The following CACNA2D1 variants were observed in gnomAD, a reference collection of about 807,000 sequenced individuals.
The protein encoded by CACNA2D1 is calcium voltage-gated channel auxiliary subunit alpha2delta 1.
Under a neutral mutation model 171.5 loss-of-function variants are expected in CACNA2D1, and 53 were observed. That is an observed-to-expected ratio of 0.31 (90% confidence interval 0.25 to 0.39). CACNA2D1 has a LOEUF of 0.39. CACNA2D1 is among the 10% of genes least tolerant of loss of function. The pLI is 1.00. For synonymous variants in CACNA2D1, 442 were observed against 443.1 expected (o/e 1.00, Z 0.03); for missense variants, 903 against 1,299.8 (o/e 0.69, Z 4.69).
At chr7:82,282,503 G>A (rs1208641798) in intron 3 of CACNA2D1, among the ~76,000 whole-genome samples, 2 of 152,158 alleles carry the variant, frequency 1.3e-5, no homozygotes, top group African/African-American at 4.8e-5. Context: ...GGTAAGAGCT[G>A]TGGGCAGGAA....
chr7:82,331,921 TAA>T (rs751580318), intron 3 of CACNA2D1, among the ~76,000 whole-genome samples: 5 of 152,168 alleles, frequency 3.3e-5, no homozygotes, highest in Admixed American at 6.5e-5. Context: ...TTTTATTAGA[TAA>T]GTTTTTATTA....
intron 38 of CACNA2D1, among the ~76,000 whole-genome samples, chr7:81,956,113 G>GC (rs1793303941): frequency 6.6e-6 from 1 of 150,444 alleles, no homozygotes; most frequent in Non-Finnish European, 1.5e-5. Flanking sequence ...TCAGCCTCTG[G>GC]CGTAGCTGGG....
At chr7:81,955,634 A>AT (rs1401508060) in intron 38 of CACNA2D1, among the ~76,000 whole-genome samples, 2 of 152,018 alleles carry the variant, frequency 1.3e-5, no homozygotes, top group Non-Finnish European at 2.9e-5. Context: ...AAGGATATAG[A>AT]TTATACTTCT....
At chr7:82,361,764 A>G (rs1016082821) in intron 1 of CACNA2D1, among the ~76,000 whole-genome samples, 6 of 152,170 alleles carry the variant, frequency 3.9e-5, no homozygotes, top group African/African-American at 1.4e-4. Context: ...GCTTTTTTAA[A>G]CATTTTTCTA....
chr7:82,280,615 G>A (rs773187490), intron 3 of CACNA2D1, among the ~76,000 whole-genome samples: 23 of 152,048 alleles, frequency 1.5e-4, no homozygotes, highest in Admixed American at 5.2e-4. Context: ...GAATTTTAGC[G>A]TTAGAAGCTT....
chr7:82,134,401 T>C (rs2129074516), intron 5 of CACNA2D1, among the ~76,000 whole-genome samples: 1 of 152,316 alleles, frequency 6.6e-6, no homozygotes, highest in South Asian at 2.1e-4. Flanking sequence ...AGGATGACTA[T>C]AATTTTAGGG....
chr7:82,027,920 T>C (rs1802150241), intron 12 of CACNA2D1: 1 of 152,110 alleles, frequency 6.6e-6, no homozygotes. Flanking sequence ...AACATAAAAG[T>C]GCAAGGTGAA....
At chr7:82,001,687 T>C in intron 18 of CACNA2D1, 2 of 1,269,812 alleles carry the variant, frequency 1.6e-6, no homozygotes, top group Non-Finnish European at 1.0e-6. Flanking sequence ...TTTTCTTAAA[T>C]TAATTGTTGG....
At chr7:82,063,343 T>G (rs1365865941) in intron 9 of CACNA2D1, among the ~76,000 whole-genome samples, 1 of 152,176 alleles carries the variant, frequency 6.6e-6, no homozygotes, top group African/African-American at 2.4e-5. Flanking sequence ...GAGGCTTAAA[T>G]GCATCTTAAG....
chr7:82,402,348 TATTA>T, intron 1 of CACNA2D1, among the ~76,000 whole-genome samples: 1 of 152,120 alleles, frequency 6.6e-6, no homozygotes, highest in Middle Eastern at 3.2e-3. Context: ...TCTGTGGGCT[TATTA>T]ATATTATTCC....
chr7:82,011,920 C>A, intron 15 of CACNA2D1: 1 of 438,138 alleles, frequency 2.3e-6, no homozygotes. Flanking sequence ...TCTACATTCC[C>A]AATGAAGGGA....
intron 3 of CACNA2D1, among the ~76,000 whole-genome samples, chr7:82,193,461 G>T (rs1299258251): frequency 6.6e-6 from 1 of 151,898 alleles, no homozygotes; most frequent in East Asian, 1.9e-4. Flanking sequence ...GCGTGGGTTT[G>T]TGGAAATATA....
intron 3 of CACNA2D1, among the ~76,000 whole-genome samples, chr7:82,195,293 T>C (rs1202736565): frequency 2.0e-5 from 3 of 151,862 alleles, no homozygotes; most frequent in Non-Finnish European, 4.4e-5. Flanking sequence ...GTAGAACACA[T>C]AAGGTAACAC....
chr7:82,364,286 A>T (rs1316070021), intron 1 of CACNA2D1, among the ~76,000 whole-genome samples: 1 of 152,214 alleles, frequency 6.6e-6, no homozygotes, highest in African/African-American at 2.4e-5. Context: ...TGGAGACAAG[A>T]ACATAGCAAA....
chr7:82,266,448 A>C (rs1050691583), intron 3 of CACNA2D1, among the ~76,000 whole-genome samples: 1 of 152,152 alleles, frequency 6.6e-6, no homozygotes, highest in Non-Finnish European at 1.5e-5. Flanking sequence ...ACTCATAAGA[A>C]GTATTTTATG....
At chr7:81,983,161 C>A (rs1796608428) in intron 23 of CACNA2D1, among the ~76,000 whole-genome samples, 153 bp downstream of exon 23, 1 of 152,084 alleles carries the variant, frequency 6.6e-6, no homozygotes, top group Non-Finnish European at 1.5e-5. Context: ...CATATTCTTT[C>A]TACCATTTTT....
intron 10 of CACNA2D1, among the ~76,000 whole-genome samples, chr7:82,058,311 A>G (rs552867969): frequency 4.6e-5 from 7 of 152,270 alleles, no homozygotes; most frequent in African/African-American, 1.7e-4. Flanking sequence ...AGCTTCTCGA[A>G]GAAGTCAGAA....
Position 81,965,663 on chromosome 7 carries a change from TA to T in CACNA2D1, c.2504del (p.Val835GlufsTer5). ...CATCATCCAGAATCACACAATCCAT[TA>T]CCTATCAAAATAAAGTGAACAGTTA... ...PVCDCKRNSDVMDCVILDDGG... is the reference protein window; with the variant it reads ...PVCDCKRNSDXMDCVILDDGG... On this transcript the variant is annotated frameshift_variant and splice_region_variant, in exon 32 of 39. Transcript: ENST00000356860. LOFTEE classifies it high-confidence loss of function. 6.3e-7 allele frequency: 1 copy of T among 1,578,084 alleles called. No individual in the cohort carries two copies. Among genetic ancestry groups the T allele is most frequent in the Non-Finnish European group, 8.7e-7 (1 of 1,148,078 alleles).
At chr7:81,953,488 A>G (rs1428619437) in intron 38 of CACNA2D1, among the ~76,000 whole-genome samples, 1 of 152,090 alleles carries the variant, frequency 6.6e-6, no homozygotes, top group African/African-American at 2.4e-5. Context: ...CTTTTTGTTC[A>G]GATGCTTTTC....
Sources: allele counts gnomAD v4.1 joint callset (sites outside exome capture counted in the v4.1 genomes callset), GRCh38; gene constraint gnomAD v4.1.1; transcripts MANE v1.5; gene names NCBI Gene and HGNC (gene_info 2026-07-23, HGNC 2026-07-21).